The following RAVER2 variants were observed in gnomAD, a reference collection of about 807,000 sequenced individuals.
RAVER2 encodes the protein ribonucleoprotein, PTB binding 2, also known as ribonucleoprotein PTB-binding 2.
Under a neutral mutation model 78.1 loss-of-function variants are expected in RAVER2, and 46 were observed. The observed-to-expected ratio is 0.59, with a 90% CI of 0.46 to 0.75. RAVER2 has a LOEUF of 0.75. RAVER2 is among the 30% of genes least tolerant of loss of function. The pLI is 0.00. For missense variants in RAVER2, 793 were observed against 837.5 expected (o/e 0.95, Z 0.66); for synonymous variants, 311 against 313.3 (o/e 0.99, Z 0.08).
chr1:64,763,101 C>T (rs527918562), intron 1 of RAVER2, among the ~76,000 whole-genome samples: 6 of 151,846 alleles, frequency 4.0e-5, no homozygotes, highest in East Asian at 2.0e-4. Context: ...TGAGGTCAGG[C>T]GATCGAGACC....
chr1:64,826,586 C>T (rs981869105), intron 11 of RAVER2, among the ~76,000 whole-genome samples: 2 of 152,160 alleles, frequency 1.3e-5, no homozygotes, highest in Admixed American at 1.3e-4. Context: ...GCAGAGGGCA[C>T]AGACAATTTA....
intron 1 of RAVER2, among the ~76,000 whole-genome samples, chr1:64,760,025 C>G (rs1025187346): frequency 6.6e-6 from 1 of 151,054 alleles, no homozygotes; most frequent in Non-Finnish European, 1.5e-5. Flanking sequence ...ATATGTGATA[C>G]TTGCCTACAA....
chr1:64,777,915 A>G (rs1222989466), exon 3 of RAVER2: 5 of 1,613,980 alleles, frequency 3.1e-6, no homozygotes, highest in Admixed American at 3.3e-5. Flanking sequence ...GACTGGAGCT[A>G]TTGGGTAGAC....
intron 5 of RAVER2, among the ~76,000 whole-genome samples, chr1:64,796,011 A>C (rs1010730404): frequency 1.3e-5 from 2 of 151,808 alleles, no homozygotes; most frequent in African/African-American, 2.4e-5. Flanking sequence ...TGGTTGCTGG[A>C]ACTTGTTGAA....
At chr1:64,797,173 A>G (rs1653117667) in intron 5 of RAVER2, among the ~76,000 whole-genome samples, 1 of 152,214 alleles carries the variant, frequency 6.6e-6, no homozygotes, top group Non-Finnish European at 1.5e-5. Context: ...AGAAGAATAT[A>G]TGTTCCGCTC....
At chr1:64,776,224 T>C (rs1463129917) in intron 2 of RAVER2, among the ~76,000 whole-genome samples, 2 of 152,074 alleles carry the variant, frequency 1.3e-5, no homozygotes, top group African/African-American at 4.8e-5. Flanking sequence ...AAAAAAGACA[T>C]AGAATCAAAA....
intron 1 of RAVER2, among the ~76,000 whole-genome samples, chr1:64,748,680 A>G (rs1176524235): frequency 2.0e-5 from 3 of 152,198 alleles, no homozygotes; most frequent in Non-Finnish European, 4.4e-5. Flanking sequence ...CTTATGGAAA[A>G]TGTACTATAT....
At chr1:64,807,049 C>A (rs1653435031) in intron 8 of RAVER2, among the ~76,000 whole-genome samples, 157 bp from the exon 9 acceptor site, 1 of 151,934 alleles carries the variant, frequency 6.6e-6, no homozygotes, top group Non-Finnish European at 1.5e-5. Flanking sequence ...ATAAAGGAAC[C>A]CACTAATTAA....
chr1:64,792,142 A>C (rs1024963990), intron 5 of RAVER2, among the ~76,000 whole-genome samples: 2 of 152,116 alleles, frequency 1.3e-5, no homozygotes, highest in Non-Finnish European at 2.9e-5. Context: ...TTTTTCTGCA[A>C]TTCTCTTTTT....
At chr1:64,810,897 T>G (rs1319607129) in intron 9 of RAVER2, among the ~76,000 whole-genome samples, 1 of 152,150 alleles carries the variant, frequency 6.6e-6, no homozygotes, top group Non-Finnish European at 1.5e-5. Flanking sequence ...GTGGGAAATT[T>G]TTTGGAAATT....
intron 11 of RAVER2, among the ~76,000 whole-genome samples, chr1:64,825,768 G>A (rs1432291453): frequency 6.6e-6 from 1 of 152,100 alleles, no homozygotes; most frequent in Non-Finnish European, 1.5e-5. Context: ...ACATTCACTT[G>A]GAAATCAATG....
Position 64,803,068 on chromosome 1 carries a change from A to G in RAVER2, c.1191+7A>G. The G allele has an allele frequency of 6.4e-7, 1 of 1,561,708 alleles. No homozygotes were observed. The highest frequency in any genetic ancestry group is 1.1e-5 in the South Asian group (1 of 88,760). On this transcript the variant is annotated splice_region_variant and intron_variant, in intron 6 of 11. Coordinates refer to ENST00000294428, the Ensembl canonical transcript of RAVER2. ...TTTGAATAAAGCACATCAGGTACAT[A>G]AATAACATTGAGTACTGAAGCATTA...
intron 1 of RAVER2, among the ~76,000 whole-genome samples, chr1:64,761,879 G>A (rs1257977228): frequency 6.6e-6 from 1 of 152,064 alleles, no homozygotes; most frequent in Non-Finnish European, 1.5e-5. Context: ...GGAGGCCGAG[G>A]CAGGTGTATT....
chr1:64,809,533 G>A (rs907011480), intron 9 of RAVER2, among the ~76,000 whole-genome samples: 5 of 132,386 alleles, frequency 3.8e-5, no homozygotes, highest in African/African-American at 1.3e-4. Flanking sequence ...AAAGAGATTT[G>A]GACCCCAACT....
Position 64,745,360 on chromosome 1 carries a change from G to A in RAVER2, c.188G>A (p.Arg63Gln), listed in dbSNP as rs1651497158. 1 of 1,543,530 alleles carries A rather than the reference G, an allele frequency of 6.5e-7. No individual in the cohort carries two copies. The change falls in exon 1 of 12, where the codon CGG (arginine) becomes CAG (glutamine). Residue 63 changes from arginine (R) to glutamine (Q), a missense_variant. Coordinates refer to ENST00000294428, the Ensembl canonical transcript of RAVER2. The surrounding 1 kb of genome is among the most constrained non-coding windows in gnomAD (Gnocchi z 4.3). ...GCCGCGCGACTGCAGCGGATGCAGC[G>A]GGAGCTGAGCAACCGCAGGAAAATC...
intron 4 of RAVER2, among the ~76,000 whole-genome samples, chr1:64,783,894 G>A (rs930680742): frequency 6.6e-6 from 1 of 152,128 alleles, no homozygotes; most frequent in African/African-American, 2.4e-5. Context: ...CCATGCAACC[G>A]GTTGCCTGAA....
intron 1 of RAVER2, among the ~76,000 whole-genome samples, chr1:64,754,055 A>G (rs1410395503): frequency 1.3e-5 from 2 of 151,980 alleles, no homozygotes; most frequent in Non-Finnish European, 2.9e-5. Context: ...AATAATAATA[A>G]CCTTTGTTTT....
At chr1:64,751,318 A>T (rs924487486) in intron 1 of RAVER2, among the ~76,000 whole-genome samples, 1 of 152,260 alleles carries the variant, frequency 6.6e-6, no homozygotes, top group African/African-American at 2.4e-5. Flanking sequence ...ACAAAGCTCC[A>T]GCTTTGTGCA....
chr1:64,781,475 T>C lies in RAVER2; in HGVS notation c.882T>C (p.Gly294=), dbSNP rs749187144. 2 of 1,614,110 alleles carry C rather than the reference T, an allele frequency of 1.2e-6. 1 individual carries two copies. Among genetic ancestry groups the C allele is most frequent in the South Asian group, 2.2e-5 (2 of 91,080 alleles). ...AAGAGGTCCAGCAGGCAGCAGACGG[T>C]ATGACCATCAAGGGCAGCAAAGTCC... Residue 294 remains glycine (G), a synonymous_variant, in exon 4 of 12, where the codon GGT becomes GGC. Coordinates refer to ENST00000294428, the Ensembl canonical transcript of RAVER2.
Sources: allele counts gnomAD v4.1 joint callset (sites outside exome capture counted in the v4.1 genomes callset), GRCh38; gene constraint gnomAD v4.1.1; non-coding constraint Gnocchi (gnomAD v3.1); transcripts MANE v1.5; gene names NCBI Gene and HGNC (gene_info 2026-07-23, HGNC 2026-07-21).